Variants in UBE4B observed in about 807,000 individuals in gnomAD.
UBE4B encodes the protein ubiquitination factor E4B.
In UBE4B, 27 loss-of-function variants were observed where a neutral mutation model predicts 148.1. The ratio of observed to expected loss-of-function variants is 0.18; its 90% CI spans 0.13 to 0.25. The LOEUF (loss-of-function observed/expected upper bound fraction) is 0.25. Ranked by LOEUF, UBE4B falls within the 10% of genes least tolerant of loss-of-function variation. The pLI, the probability that UBE4B is intolerant of heterozygous loss-of-function variation, is 1.00. For missense variants in UBE4B, 1,170 were observed against 1,662.4 expected (o/e 0.70, Z 5.15); for synonymous variants, 596 against 619.3 (o/e 0.96, Z 0.56).
At chr1:10,057,733 G>GA (rs574034728) in intron 1 of UBE4B, among the ~76,000 whole-genome samples, 208 of 104,490 alleles carry the variant, frequency 2.0e-3, no homozygotes, top group Middle Eastern at 5.3e-3. Flanking sequence ...CTGTCTCACA[G>GA]AAAAAAAAAA....
At chr1:10,153,809 C>T (rs1010233581) in intron 21 of UBE4B, among the ~76,000 whole-genome samples, 1 of 151,790 alleles carries the variant, frequency 6.6e-6, no homozygotes, top group Non-Finnish European at 1.5e-5. Flanking sequence ...TTAGGCCTGG[C>T]ACAGTGGCTC....
chr1:10,134,049 C>CAAAA (rs367557718), intron 15 of UBE4B, among the ~76,000 whole-genome samples: 10,204 of 135,748 alleles, frequency 0.075, 886 homozygotes, highest in African/African-American at 0.21. Context: ...AACCCTGTCT[C>CAAAA]AAAAAAAAAA....
intron 1 of UBE4B, among the ~76,000 whole-genome samples, chr1:10,037,123 G>C (rs1643569631): frequency 6.6e-6 from 1 of 152,130 alleles, no homozygotes; most frequent in Non-Finnish European, 1.5e-5. Context: ...TGCCTCCCGG[G>C]TTCAAGCGAT....
chr1:10,135,735 CAA>C (rs33967541), intron 16 of UBE4B, among the ~76,000 whole-genome samples: 2 of 111,254 alleles, frequency 1.8e-5, no homozygotes, highest in Non-Finnish European at 1.8e-5. Flanking sequence ...GACTCTGTCT[CAA>C]AAAAAAAAAA....
Position 10,179,336 on chromosome 1 carries a change from C to G in UBE4B, c.3701-80C>G, listed in dbSNP as rs943811915. 2.6e-6 allele frequency: 4 copies of G among 1,549,710 alleles called. No individual in the cohort carries two copies. In the African/African-American group the frequency reaches 5.5e-5, roughly 21 times the overall value. On this transcript the variant is annotated intron_variant, in intron 26 of 27. Coordinates refer to ENST00000343090, the MANE Select transcript of UBE4B (RefSeq NM_001105562.3). ...TTGCTGTTCCTTTGGATAGATTTTTCGCTGGTAGAACGGGCTTTGTTTTCT... is the reference window on the plus strand; with the variant it reads ...TTGCTGTTCCTTTGGATAGATTTTTGGCTGGTAGAACGGGCTTTGTTTTCT...
chr1:10,084,154 C>T (rs919722448), intron 2 of UBE4B, among the ~76,000 whole-genome samples: 4 of 152,132 alleles, frequency 2.6e-5, no homozygotes, highest in African/African-American at 4.8e-5. Context: ...AACTGTGCCA[C>T]GGTACTGCAT....
intron 2 of UBE4B, among the ~76,000 whole-genome samples, chr1:10,074,435 A>G (rs1230352919): frequency 6.6e-6 from 1 of 151,210 alleles, no homozygotes; most frequent in Non-Finnish European, 1.5e-5. Flanking sequence ...TCCCCCTGCC[A>G]GCTTCTCCCC....
At chr1:10,092,425 A>T (rs1644862234) in intron 2 of UBE4B, among the ~76,000 whole-genome samples, 1 of 151,178 alleles carries the variant, frequency 6.6e-6, no homozygotes, top group Non-Finnish European at 1.5e-5. Flanking sequence ...GAGTTTCACC[A>T]TATTGGCCAG....
chr1:10,175,039 G>A (rs1031700634), intron 25 of UBE4B, among the ~76,000 whole-genome samples: 3 of 152,194 alleles, frequency 2.0e-5, no homozygotes, highest in Non-Finnish European at 2.9e-5. Flanking sequence ...AAGAAACTGA[G>A]AGGCTTCTCT....
In UBE4B at chr1:10,098,791, A is replaced by C. The variant is rs1644966303; in HGVS notation, c.348-2317A>C. Among the ~76,000 whole-genome samples, 3 of 152,162 alleles carry C rather than the reference A, an allele frequency of 2.0e-5. No homozygotes were observed. In the South Asian group the frequency reaches 6.2e-4, roughly 32 times the overall value. On this transcript the variant is annotated intron_variant, in intron 3 of 27. Coordinates refer to ENST00000343090, the MANE Select transcript of UBE4B (RefSeq NM_001105562.3). ...GGGCATCTACCAAAAAACTACAGCA[A>C]CTCTCCTATTCAGTGGTGAGAAGTT...
In UBE4B at chr1:10,122,054, A is replaced by C; in HGVS notation, c.1532A>C (p.Gln511Pro). The C allele has an allele frequency of 6.2e-7, 1 of 1,613,256 alleles. No homozygotes were observed. Among genetic ancestry groups the C allele is most frequent in the South Asian group, 1.1e-5 (1 of 91,006 alleles). Reference sequence around the variant, plus strand: ...CAGGAACTGGTGAGAACCACTCACCAGGATGAAGAAGTGTTCAAGCAGGTA... The same window carrying C: ...CAGGAACTGGTGAGAACCACTCACCCGGATGAAGAAGTGTTCAAGCAGGTA... Reference protein sequence around the residue: ...FIQELVRTTHQDEEVFKQIFI... With the variant: ...FIQELVRTTHPDEEVFKQIFI... Residue 511 changes from glutamine (Q) to proline (P), a missense_variant, in exon 10 of 28, where the codon CAG becomes CCG. This residue lies in a region of UBE4B where 388 missense variants were observed against 536.0 expected (regional missense o/e 0.72). Coordinates refer to ENST00000343090, the MANE Select transcript of UBE4B (RefSeq NM_001105562.3).
At chr1:10,144,194 A>G (rs912048659) in intron 17 of UBE4B, among the ~76,000 whole-genome samples, 2 of 152,222 alleles carry the variant, frequency 1.3e-5, no homozygotes, top group African/African-American at 4.8e-5. Flanking sequence ...AGCCAGAGAT[A>G]ACCTCAGAGA....
At chr1:10,140,821 A>G (rs1645771653) in intron 17 of UBE4B, among the ~76,000 whole-genome samples, 1 of 152,214 alleles carries the variant, frequency 6.6e-6, no homozygotes, top group Admixed American at 6.5e-5. Flanking sequence ...AATCACATAA[A>G]GTAAATCCAC....
intron 23 of UBE4B, among the ~76,000 whole-genome samples, chr1:10,165,603 G>A (rs867735199): frequency 1.1e-4 from 16 of 152,022 alleles, no homozygotes; most frequent in Admixed American, 4.6e-4. Flanking sequence ...TCTCAGCTTT[G>A]GACAGTCTCT....
At chr1:10,071,741 G>T (rs570833531) in intron 1 of UBE4B, among the ~76,000 whole-genome samples, 57 of 152,166 alleles carry the variant, frequency 3.7e-4, no homozygotes, top group Non-Finnish European at 7.4e-4. Context: ...CTTTGCTCAG[G>T]CTGGTCTTGA....
Position 10,063,682 on chromosome 1 carries a change from A to C in UBE4B, c.25-8346A>C, listed in dbSNP as rs1158541003. ...CACTTTGGGAGGCCAAGTCAGGCGG[A>C]TCACTTGAGGTCGTCAGGAGTTTGA... On this transcript the variant is annotated intron_variant, in intron 1 of 27. Coordinates refer to ENST00000343090, the MANE Select transcript of UBE4B (RefSeq NM_001105562.3). Among the ~76,000 whole-genome samples, 4 of 152,092 alleles carry C rather than the reference A, an allele frequency of 2.6e-5. No individual in the cohort carries two copies. The East Asian group carries it at 7.7e-4, about 29-fold the overall frequency.
chr1:10,166,194 A>G (rs867218990), intron 23 of UBE4B: 19 of 152,186 alleles, frequency 1.2e-4, no homozygotes, highest in African/African-American at 4.3e-4. Context: ...CTCTGAACAG[A>G]TGTAAGAATT....
At chr1:10,055,506 T>C (rs1399153501) in intron 1 of UBE4B, among the ~76,000 whole-genome samples, 1 of 152,082 alleles carries the variant, frequency 6.6e-6, no homozygotes, top group Non-Finnish European at 1.5e-5. Flanking sequence ...TTTGTAGCGA[T>C]GGGGTCTCGT....
chr1:10,122,188 A>C, intron 10 of UBE4B, 112 bp downstream of exon 10: 2 of 628,260 alleles, frequency 3.2e-6, no homozygotes, highest in South Asian at 4.2e-5. Flanking sequence ...ATGTGTTATT[A>C]GAGAGAAGGC....
Sources: gnomAD v4.1 joint callset for allele counts (sites outside exome capture counted in the v4.1 genomes callset) on GRCh38, gnomAD v4.1.1 for gene constraint, gnomAD v4.1.1 regional missense constraint, MANE v1.5 for transcripts, NCBI Gene and HGNC (gene_info 2026-07-23, HGNC 2026-07-21) for gene names.